UCHL5: variants seen among roughly 807,000 people sequenced by gnomAD.
UCHL5 encodes the protein ubiquitin C-terminal hydrolase L5.
UCHL5 carries 34 observed loss-of-function variants against 53.8 expected under a neutral mutation model. That is an observed-to-expected ratio of 0.63 (90% confidence interval 0.48 to 0.84). The LOEUF is 0.84. UCHL5 is among the 40% of genes least tolerant of loss of function. The pLI is 0.00. For synonymous variants in UCHL5, 111 were observed against 126.3 expected, an observed-to-expected ratio of 0.88 and a Z score of 0.81; for missense variants, 290 against 385.6, an observed-to-expected ratio of 0.75 and a Z score of 2.08.
chr1:193,022,373 A>G (rs1212950142), intron 9 of UCHL5, among the ~76,000 whole-genome samples: 1 of 152,160 alleles, frequency 6.6e-6, no homozygotes, highest in Non-Finnish European at 1.5e-5. Context: ...CTTTACTACC[A>G]TAACACATGA....
intron 8 of UCHL5, 84 bp from the exon 9 acceptor site, chr1:193,023,120 G>A: frequency 2.8e-6 from 3 of 1,075,584 alleles, no homozygotes; most frequent in Non-Finnish European, 4.1e-6. Flanking sequence ...AACACAGTAT[G>A]ATTATTTTCA....
At chr1:193,050,426 C>T (rs1478360750) in intron 2 of UCHL5, among the ~76,000 whole-genome samples, 1 of 152,088 alleles carries the variant, frequency 6.6e-6, no homozygotes, top group Non-Finnish European at 1.5e-5. Context: ...CCTCCCACCC[C>T]ACAAAAAACT....
intron 10 of UCHL5, among the ~76,000 whole-genome samples, chr1:193,019,184 C>T (rs1230934600): frequency 1.3e-5 from 2 of 151,518 alleles, no homozygotes; most frequent in Admixed American, 6.6e-5. Context: ...TTAGGAGCTA[C>T]CCTGTGCTTG....
intron 1 of UCHL5, among the ~76,000 whole-genome samples, chr1:193,052,361 A>T (rs1455126109): frequency 1.3e-5 from 2 of 152,156 alleles, no homozygotes; most frequent in South Asian, 2.1e-4. Context: ...CCCAGGGAAC[A>T]TTTGGCAATG....
Position 193,013,726 on chromosome 1 carries a change from C to T in UCHL5, c.*2625G>A, listed in dbSNP as rs574301300. On this transcript the variant is annotated 3_prime_UTR_variant, in exon 11 of 11. Coordinates refer to ENST00000367454, the MANE Select transcript of UCHL5 (RefSeq NM_001199261.3). The stretch of plus-strand genomic sequence containing the variant: ...CTTGAAATGTTAACGTTACAGGCAA[C>T]TAGGAGGATTAATTGAAAGTATTAA... 3.9e-5 allele frequency: 6 copies of T among 152,156 alleles called. No homozygotes were observed. Among genetic ancestry groups the T allele is most frequent in the African/African-American group, 1.4e-4 (6 of 41,484 alleles). 9.4% of individuals were successfully genotyped at this position (152,156 alleles called of 1,614,324 possible).
At position 193,059,167 on chromosome 1, in the gene UCHL5, G is replaced by T. The variant is rs763402299; in HGVS notation, c.76+18C>A. The T allele has an allele frequency of 2.5e-6, 4 of 1,583,468 alleles. No homozygotes were observed. The South Asian group carries it at 3.5e-5, about 14-fold the overall frequency. ...CCTCCCGTGACCCCAGGCCCAGGAC[G>T]GTCCCCTTGGTTCTCACCGAATCCT... On this transcript the variant is annotated intron_variant, in intron 1 of 10. Transcript: ENST00000367454. The surrounding 1 kb of genome is among the most constrained non-coding windows in gnomAD (Gnocchi z 4.9).
chr1:193,045,973 T>C (rs1390906768), intron 3 of UCHL5, among the ~76,000 whole-genome samples: 1 of 152,206 alleles, frequency 6.6e-6, no homozygotes, highest in Non-Finnish European at 1.5e-5. Flanking sequence ...TTTAAAATTA[T>C]AGTTACTATA....
chr1:193,021,987 A>C (rs1261639685), intron 9 of UCHL5, among the ~76,000 whole-genome samples: 1 of 152,212 alleles, frequency 6.6e-6, no homozygotes, highest in Non-Finnish European at 1.5e-5. Context: ...GGCAGATATT[A>C]AAAGTTAGTT....
intron 10 of UCHL5, chr1:193,020,429 A>G (rs1362439313): frequency 6.5e-7 from 1 of 1,545,568 alleles, no homozygotes; most frequent in Non-Finnish European, 8.7e-7. Flanking sequence ...GGAACTTATT[A>G]AAGAATCCTT....
intron 6 of UCHL5, 45 bp from the exon 7 acceptor site, chr1:193,028,193 C>CAACTTTA: frequency 6.7e-7 from 1 of 1,490,178 alleles, no homozygotes; most frequent in Non-Finnish European, 9.0e-7. Context: ...AAAATAAGAA[C>CAACTTTA]AATCAACTTT....
chr1:193,054,769 C>T (rs1462217321), intron 1 of UCHL5, among the ~76,000 whole-genome samples: 1 of 152,148 alleles, frequency 6.6e-6, no homozygotes, highest in African/African-American at 2.4e-5. Context: ...TCATAATAGA[C>T]CTTCATGTTA....
At chr1:193,058,592 AG>A (rs1266590586) in intron 1 of UCHL5, among the ~76,000 whole-genome samples, 2 of 152,254 alleles carry the variant, frequency 1.3e-5, no homozygotes, top group African/African-American at 4.8e-5. Flanking sequence ...CTTCACCGGA[AG>A]CCAGAAATGA....
At chr1:193,045,183 T>C (rs1666958707) in intron 3 of UCHL5, among the ~76,000 whole-genome samples, 1 of 152,222 alleles carries the variant, frequency 6.6e-6, no homozygotes, top group Non-Finnish European at 1.5e-5. Context: ...TCTGCATTTA[T>C]TGGATACCTA....
rs1053147650 is a variant in UCHL5, at chr1:193,014,178, T to C, written c.*2173A>G. On this transcript the variant is annotated 3_prime_UTR_variant, in exon 11 of 11. Transcript: ENST00000367454. ...TTATTCTTCCATTTTCTCTACCCTCTAGCTTCATGACTTAATTTCAAACCA... is the reference window on the plus strand; with the variant it reads ...TTATTCTTCCATTTTCTCTACCCTCCAGCTTCATGACTTAATTTCAAACCA... The C allele has an allele frequency of 3.9e-5, 6 of 152,276 alleles. No homozygotes were observed. The highest frequency in any genetic ancestry group is 3.9e-4 in the Admixed American group (6 of 15,274). 9.4% of individuals were successfully genotyped at this position (152,276 alleles called of 1,614,324 possible). A position where few individuals can be genotyped will look rare whatever the true frequency, so the allele number is the denominator to read the frequency against.
At chr1:193,052,684 T>A (rs1156791373) in intron 1 of UCHL5, among the ~76,000 whole-genome samples, 6 of 152,154 alleles carry the variant, frequency 3.9e-5, no homozygotes, top group Non-Finnish European at 8.8e-5. Context: ...ACAGAGCTGT[T>A]TGGAGGAATT....
intron 3 of UCHL5, among the ~76,000 whole-genome samples, chr1:193,038,095 C>T (rs1483835241): frequency 6.6e-6 from 1 of 152,110 alleles, no homozygotes; most frequent in Non-Finnish European, 1.5e-5. Context: ...ATGGAAGGTA[C>T]ATACCTCAAC....
chr1:193,039,393 AGTGAGACTATGTCTC>A (rs1664759789), intron 3 of UCHL5, among the ~76,000 whole-genome samples: 1 of 152,172 alleles, frequency 6.6e-6, no homozygotes, highest in Non-Finnish European at 1.5e-5. Flanking sequence ...TGGGTGACCT[AGTGAGACTATGTCTC>A]AAAAAAAAAA....
chr1:193,017,918 A>G (rs1257892832), intron 10 of UCHL5, among the ~76,000 whole-genome samples: 2 of 151,392 alleles, frequency 1.3e-5, no homozygotes, highest in Non-Finnish European at 3.0e-5. Context: ...AATAAGTAAC[A>G]TATATATAAG....
upstream of UCHL5, chr1:193,059,907 G>A (rs1452532951): frequency 7.3e-7 from 1 of 1,365,824 alleles, no homozygotes. The surrounding 1 kb of genome is among the most constrained non-coding windows in gnomAD (Gnocchi z 4.9). Flanking sequence ...CGAAACTATC[G>A]CTCTTCCCCG....
Sources: gnomAD v4.1 joint callset for allele counts (sites outside exome capture counted in the v4.1 genomes callset) on GRCh38, gnomAD v4.1.1 for gene constraint, Gnocchi (gnomAD v3.1) non-coding constraint, MANE v1.5 for transcripts, NCBI Gene and HGNC (gene_info 2026-07-23, HGNC 2026-07-21) for gene names.